The following KDM4C variants were observed in gnomAD, a reference collection of about 807,000 sequenced individuals.
KDM4C encodes lysine demethylase 4C.
In KDM4C, 81 loss-of-function variants were observed where a neutral mutation model predicts 129.3. The observed-to-expected ratio is 0.63, with a 90% CI of 0.52 to 0.75. The LOEUF is 0.75. Ranked by LOEUF, KDM4C falls within the 30% of genes least tolerant of loss-of-function variation. KDM4C has a pLI of 0.00. For synonymous variants in KDM4C, 573 were observed against 456.1 expected (o/e 1.26, Z -3.26); for missense variants, 1,457 against 1,304.0 (o/e 1.12, Z -1.81).
chr9:6,973,973 C>T (rs1319622062), intron 8 of KDM4C: 1 of 152,182 alleles, frequency 6.6e-6, no homozygotes, highest in East Asian at 1.9e-4. Flanking sequence ...TATTCAGACC[C>T]TTCAATTACT....
chr9:7,035,976 T>C (rs1172665786), intron 15 of KDM4C, among the ~76,000 whole-genome samples: 1 of 152,190 alleles, frequency 6.6e-6, no homozygotes, highest in Admixed American at 6.5e-5. Flanking sequence ...GGATCATTTG[T>C]GGTTCCATAC....
exon 1 of KDM4C, chr9:6,720,912 G>A (rs781398222): frequency 1.3e-6 from 2 of 1,543,016 alleles, no homozygotes; most frequent in South Asian, 2.4e-5. Flanking sequence ...TAGTTGGAGT[G>A]TTCTGCATTC....
chr9:7,048,126 T>C (rs1017728458), intron 16 of KDM4C, among the ~76,000 whole-genome samples: 1 of 152,120 alleles, frequency 6.6e-6, no homozygotes, highest in African/African-American at 2.4e-5. Flanking sequence ...TCTTGGATAT[T>C]GCACTGGATG....
intron 4 of KDM4C, among the ~76,000 whole-genome samples, chr9:6,823,357 A>G (rs188298798): frequency 9.8e-5 from 15 of 152,296 alleles, no homozygotes; most frequent in Admixed American, 8.5e-4. Context: ...CCATGGAGCA[A>G]TTTAGCCTTT....
At chr9:7,021,715 C>G (rs922432173) in intron 15 of KDM4C, among the ~76,000 whole-genome samples, 1 of 152,118 alleles carries the variant, frequency 6.6e-6, no homozygotes, top group Non-Finnish European at 1.5e-5. Context: ...GGGTATTACT[C>G]AAGAAATTTT....
chr9:7,028,957 G>A (rs1370876746), intron 15 of KDM4C, among the ~76,000 whole-genome samples: 2 of 152,098 alleles, frequency 1.3e-5, no homozygotes, highest in African/African-American at 2.4e-5. Context: ...TTCTCCTACC[G>A]TCTTCAGTGC....
At chr9:7,117,735 A>C (rs1839065018) in intron 18 of KDM4C, among the ~76,000 whole-genome samples, 1 of 152,024 alleles carries the variant, frequency 6.6e-6, no homozygotes, top group African/African-American at 2.4e-5. Flanking sequence ...GCACCCAAGA[A>C]GCCTGAAGAA....
intron 5 of KDM4C, among the ~76,000 whole-genome samples, chr9:6,869,861 A>C (rs1047642275): frequency 2.9e-4 from 44 of 152,238 alleles, no homozygotes; most frequent in African/African-American, 9.9e-4. Context: ...AAGAACTGAA[A>C]ATTAAGTATG....
intron 8 of KDM4C, chr9:6,893,556 G>T: frequency 5.5e-6 from 1 of 181,048 alleles, no homozygotes; most frequent in Non-Finnish European, 1.1e-5. Flanking sequence ...CTCCATGTTA[G>T]GTAGACTCAG....
chr9:7,016,815 A>G (rs1268117707), intron 15 of KDM4C, among the ~76,000 whole-genome samples: 1 of 152,174 alleles, frequency 6.6e-6, no homozygotes, highest in Admixed American at 6.5e-5. Flanking sequence ...TCAAGGCTTC[A>G]GAATTTTTCT....
chr9:6,990,260 A>G (rs1451575673), intron 11 of KDM4C, among the ~76,000 whole-genome samples, 156 bp from the exon 12 acceptor site: 3 of 152,178 alleles, frequency 2.0e-5, no homozygotes, highest in Non-Finnish European at 4.4e-5. Flanking sequence ...TTTGACCTTA[A>G]GTTTAAATTT....
At chr9:6,839,239 T>A (rs1017108613) in intron 4 of KDM4C, among the ~76,000 whole-genome samples, 1 of 152,074 alleles carries the variant, frequency 6.6e-6, no homozygotes, top group Non-Finnish European at 1.5e-5. Context: ...TGTCTGTTGT[T>A]TTCCCTTTGA....
chr9:6,765,617 AT>A (rs1249630678), intron 1 of KDM4C, among the ~76,000 whole-genome samples: 2 of 152,226 alleles, frequency 1.3e-5, no homozygotes, highest in Non-Finnish European at 2.9e-5. Flanking sequence ...CTCAACGAAC[AT>A]TTATTGTGCA....
intron 4 of KDM4C, chr9:6,835,167 C>T: frequency 1.0e-6 from 1 of 952,566 alleles, no homozygotes; most frequent in Non-Finnish European, 1.7e-6. Flanking sequence ...TGGAGAAGAG[C>T]TATGAGCTGA....
chr9:6,818,804 T>C (rs918277294), intron 4 of KDM4C: 2 of 152,192 alleles, frequency 1.3e-5, no homozygotes, highest in African/African-American at 4.8e-5. Context: ...AAAAGGGCCA[T>C]GACACGCTCT....
chr9:6,988,764 G>T (rs1818201888), intron 11 of KDM4C, among the ~76,000 whole-genome samples: 1 of 151,830 alleles, frequency 6.6e-6, no homozygotes. Context: ...CACTTTACGT[G>T]CTATTCTTGC....
intron 17 of KDM4C, among the ~76,000 whole-genome samples, chr9:7,074,703 C>G (rs1386941119): frequency 2.0e-5 from 3 of 152,146 alleles, no homozygotes; most frequent in African/African-American, 7.2e-5. Context: ...TTGCAGTTTT[C>G]ATTACTTGCT....
intron 4 of KDM4C, among the ~76,000 whole-genome samples, chr9:6,841,776 T>C (rs1344915468): frequency 6.6e-6 from 1 of 152,184 alleles, no homozygotes; most frequent in Non-Finnish European, 1.5e-5. Flanking sequence ...CAGGCCGTCT[T>C]TGGTGCAGTT....
intron 5 of KDM4C, among the ~76,000 whole-genome samples, chr9:6,865,216 G>A (rs532806196): frequency 6.6e-6 from 1 of 152,142 alleles, no homozygotes; most frequent in East Asian, 1.9e-4. Flanking sequence ...CACCGTGTTT[G>A]CCAGGATGGT....
Sources: gnomAD v4.1 joint callset for allele counts (sites outside exome capture counted in the v4.1 genomes callset) on GRCh38, gnomAD v4.1.1 for gene constraint, MANE v1.5 for transcripts, NCBI Gene and HGNC (gene_info 2026-07-23, HGNC 2026-07-21) for gene names.